The following CSMD1 variants were observed in gnomAD, a reference collection of about 807,000 sequenced individuals.
CSMD1 encodes CUB and Sushi multiple domains 1, also known as CUB and sushi domain-containing protein 1.
In CSMD1, 213 loss-of-function variants were observed where a neutral mutation model predicts 417.5. That is an observed-to-expected ratio of 0.51 (90% CI 0.46 to 0.57). The LOEUF (loss-of-function observed/expected upper bound fraction) is 0.57. Among genes scored for constraint, CSMD1 ranks in the 20% least tolerant of loss-of-function variants. The probability of loss-of-function intolerance (pLI) is 0.00; values close to 1 mark genes in which losing one functional copy is unlikely to be tolerated. For synonymous variants in CSMD1, 2,862 were observed against 1,736.8 expected (o/e 1.65, Z -16.11); for missense variants, 6,923 against 4,529.7 (o/e 1.53, Z -15.17).
chr8:3,704,723 G>C (rs1330408357), intron 7 of CSMD1: 1 of 152,152 alleles, frequency 6.6e-6, no homozygotes, highest in Non-Finnish European at 1.5e-5. Flanking sequence ...TAACACCTTA[G>C]ACAACCAGAC....
intron 6 of CSMD1, among the ~76,000 whole-genome samples, chr8:3,752,511 G>T (rs553617753): frequency 6.6e-6 from 1 of 151,520 alleles, no homozygotes; most frequent in African/African-American, 2.4e-5. Context: ...AAAATTAGCC[G>T]GGTGTGGTGG....
chr8:4,231,907 G>GAATCTC (rs1801756442), intron 3 of CSMD1, among the ~76,000 whole-genome samples: 1 of 147,210 alleles, frequency 6.8e-6, no homozygotes, highest in Non-Finnish European at 1.5e-5. Flanking sequence ...TAAAATTTCT[G>GAATCTC]AATCTCATAC....
At chr8:3,381,516 A>G (rs943114736) in intron 18 of CSMD1, among the ~76,000 whole-genome samples, 15 of 152,192 alleles carry the variant, frequency 9.9e-5, no homozygotes, top group African/African-American at 2.7e-4. Context: ...GAAAACTTGA[A>G]TATTTTAAGG....
chr8:4,563,522 A>G (rs1798445963), intron 2 of CSMD1, among the ~76,000 whole-genome samples: 1 of 152,168 alleles, frequency 6.6e-6, no homozygotes, highest in Non-Finnish European at 1.5e-5. Flanking sequence ...GCCCTGCCCC[A>G]CGCACTGATA....
chr8:3,478,574 G>A (rs1817557253), intron 11 of CSMD1, among the ~76,000 whole-genome samples: 3 of 152,138 alleles, frequency 2.0e-5, no homozygotes, highest in African/African-American at 7.2e-5. Flanking sequence ...AGCATGGGGT[G>A]ACTTGTGGCC....
intron 36 of CSMD1, among the ~76,000 whole-genome samples, chr8:3,182,840 A>AAG (rs1279802376): frequency 2.4e-4 from 11 of 45,202 alleles, no homozygotes; most frequent in African/African-American, 1.1e-3. Context: ...CTTTATAAGA[A>AAG]GGTGTGTGTG....
intron 1 of CSMD1, among the ~76,000 whole-genome samples, chr8:4,948,020 G>A (rs1404362920): frequency 6.6e-6 from 1 of 151,920 alleles, no homozygotes; most frequent in Non-Finnish European, 1.5e-5. Context: ...GTCAGCTTGT[G>A]TTACACATTC....
intron 5 of CSMD1, among the ~76,000 whole-genome samples, chr8:3,875,349 TAAG>T (rs1227397467): frequency 6.6e-6 from 1 of 152,216 alleles, no homozygotes. Context: ...AATTAGATAC[TAAG>T]AAGGACAGTG....
chr8:4,579,319 A>AACATACATACAT (rs143610926), intron 2 of CSMD1, among the ~76,000 whole-genome samples: 1 of 149,418 alleles, frequency 6.7e-6, no homozygotes, highest in Non-Finnish European at 1.5e-5. Context: ...GTGAAGTTTA[A>AACATACATACAT]ACATACATAC....
At chr8:3,412,669 G>T (rs1812886114) in intron 12 of CSMD1, among the ~76,000 whole-genome samples, 2 of 152,298 alleles carry the variant, frequency 1.3e-5, no homozygotes, top group African/African-American at 4.8e-5. Flanking sequence ...AAACAAAGAT[G>T]ATCCTTACAG....
At chr8:4,165,357 A>G (rs1235442757) in intron 3 of CSMD1, among the ~76,000 whole-genome samples, 2 of 152,258 alleles carry the variant, frequency 1.3e-5, no homozygotes, top group Non-Finnish European at 2.9e-5. Context: ...CAAATTCCTT[A>G]GGACTCTAAA....
chr8:4,817,390 G>T (rs1051949177), intron 1 of CSMD1, among the ~76,000 whole-genome samples: 1 of 152,136 alleles, frequency 6.6e-6, no homozygotes, highest in Non-Finnish European at 1.5e-5. Context: ...GGCCTGCTTG[G>T]CAACCTACGT....
chr8:4,231,163 G>A (rs1055242019), intron 3 of CSMD1, among the ~76,000 whole-genome samples: 3 of 152,170 alleles, frequency 2.0e-5, no homozygotes, highest in Admixed American at 1.3e-4. Context: ...TTGATATAGT[G>A]AAATGTTTAA....
intron 3 of CSMD1, among the ~76,000 whole-genome samples, chr8:4,156,459 A>T (rs1412988232): frequency 6.6e-6 from 1 of 152,076 alleles, no homozygotes; most frequent in East Asian, 1.9e-4. Context: ...ATTGGTGCTA[A>T]CTCTTTTATT....
At chr8:4,664,969 T>TC (rs1334093841) in intron 1 of CSMD1, among the ~76,000 whole-genome samples, 2 of 152,200 alleles carry the variant, frequency 1.3e-5, no homozygotes, top group Non-Finnish European at 2.9e-5. Flanking sequence ...TTGTAGCATC[T>TC]GAAAAAGGAA....
At chr8:3,243,143 G>C (rs34448252) in intron 26 of CSMD1, among the ~76,000 whole-genome samples, 1 of 152,076 alleles carries the variant, frequency 6.6e-6, no homozygotes, top group South Asian at 2.1e-4. Context: ...TAGTGAGGGA[G>C]GTTGGAGAAG....
At chr8:4,442,110 C>G (rs1232783458) in intron 2 of CSMD1, among the ~76,000 whole-genome samples, 3 of 152,148 alleles carry the variant, frequency 2.0e-5, no homozygotes, top group East Asian at 1.9e-4. Flanking sequence ...AAATGCTTAT[C>G]TCCTCCCACT....
At chr8:3,811,554 C>T (rs576003025) in intron 5 of CSMD1, among the ~76,000 whole-genome samples, 7 of 152,162 alleles carry the variant, frequency 4.6e-5, no homozygotes, top group East Asian at 3.9e-4. Context: ...TTTCTCTGCA[C>T]GCCTGACCAC....
intron 3 of CSMD1, among the ~76,000 whole-genome samples, chr8:4,408,791 T>C (rs1295690264): frequency 6.6e-6 from 1 of 152,114 alleles, no homozygotes; most frequent in African/African-American, 2.4e-5. Flanking sequence ...TCTGGCTCCA[T>C]TTAAAGAAAA....
Sources: gnomAD v4.1 joint callset for allele counts (sites outside exome capture counted in the v4.1 genomes callset) on GRCh38, gnomAD v4.1.1 for gene constraint, MANE v1.5 for transcripts, NCBI Gene and HGNC (gene_info 2026-07-23, HGNC 2026-07-21) for gene names.